CENPK: variants seen among roughly 807,000 people sequenced by gnomAD.
CENPK encodes centromere protein K.
CENPK carries 46 observed loss-of-function variants against 40.9 expected under a neutral mutation model. The ratio of observed to expected loss-of-function variants is 1.13; its 90% CI spans 0.89 to 1.44. The LOEUF (loss-of-function observed/expected upper bound fraction) is 1.44, where lower values mean the gene tolerates loss of function less well. Ranked by LOEUF, CENPK falls within the 40% of genes most tolerant of loss-of-function variation. The pLI, the probability that CENPK is intolerant of heterozygous loss-of-function variation, is 0.00. For synonymous variants in CENPK, 107 were observed against 104.4 expected (o/e 1.02, Z -0.15); for missense variants, 288 against 303.5 (o/e 0.95, Z 0.38).
At chr5:65,525,193 T>C (rs555414087) in intron 9 of CENPK, among the ~76,000 whole-genome samples, 11 of 152,150 alleles carry the variant, frequency 7.2e-5, no homozygotes, top group Admixed American at 5.9e-4. Context: ...ATTCCATCTC[T>C]ACTAAAAAAC....
In CENPK at chr5:65,556,694, A is replaced by C. The variant is rs150269551; in HGVS notation, c.-39-1748T>G. On this transcript the variant is annotated intron_variant, in intron 2 of 10. Transcript: ENST00000396679. ...ATTTACAAAGTCTACAGTAGGGTAC[A>C]GTAATGTCCTAGGCCTTCATATCTT... is the stretch of plus-strand genomic sequence containing the variant. 3.2e-4 allele frequency among the ~76,000 whole-genome samples: 49 copies of C among 152,346 alleles called. No homozygotes were observed. In the East Asian group the frequency reaches 9.5e-3, roughly 29 times the overall value.
intron 2 of CENPK, among the ~76,000 whole-genome samples, chr5:65,555,519 CAG>C (rs1164281767): frequency 1.3e-5 from 2 of 152,184 alleles, no homozygotes; most frequent in African/African-American, 4.8e-5. Context: ...TAGTTTTAAA[CAG>C]AGGAATGAAT....
downstream of CENPK, among the ~76,000 whole-genome samples, chr5:65,514,227 AATCT>A (rs1742690214): frequency 1.0e-5 from 1 of 95,564 alleles, no homozygotes; most frequent in East Asian, 2.5e-4. Flanking sequence ...GGCCTCACAT[AATCT>A]TTTTTTTTTT....
At chr5:65,510,692 C>T in the CENPK span, among the ~76,000 whole-genome samples, 1 of 151,536 alleles carries the variant, frequency 6.6e-6, no homozygotes, top group East Asian at 1.9e-4. Flanking sequence ...AGGAGAATTG[C>T]TTGAACCCAG....
chr5:65,513,054 T>C (rs941093699), downstream of CENPK, among the ~76,000 whole-genome samples: 9 of 152,234 alleles, frequency 5.9e-5, no homozygotes, highest in African/African-American at 2.2e-4. Flanking sequence ...AAAGAGTTCA[T>C]TGTATATTTT....
chr5:65,510,566 G>A, the CENPK span, among the ~76,000 whole-genome samples: 1 of 152,096 alleles, frequency 6.6e-6, no homozygotes, highest in East Asian at 1.9e-4. Context: ...CCTGAGGTCA[G>A]GAGTTCAAGA....
At chr5:65,506,981 C>T in the CENPK span, among the ~76,000 whole-genome samples, 4 of 152,110 alleles carry the variant, frequency 2.6e-5, no homozygotes, top group African/African-American at 7.2e-5. Flanking sequence ...TTGTCTCAAT[C>T]GACTTAAACC....
the CENPK span, among the ~76,000 whole-genome samples, chr5:65,511,450 C>T: frequency 2.6e-5 from 4 of 152,196 alleles, no homozygotes; most frequent in African/African-American, 4.8e-5. Context: ...TTTCAAAGGA[C>T]AGAAAGACTG....
the CENPK span, among the ~76,000 whole-genome samples, chr5:65,502,636 G>A: frequency 6.6e-6 from 1 of 151,568 alleles, no homozygotes; most frequent in Non-Finnish European, 1.5e-5. Flanking sequence ...TAAGAAATAG[G>A]GTCTCACTCT....
At chr5:65,513,549 C>T (rs1201665001), downstream of CENPK, among the ~76,000 whole-genome samples, 2 of 152,150 alleles carry the variant, frequency 1.3e-5, no homozygotes, top group African/African-American at 2.4e-5. Context: ...CTCTCTCTCT[C>T]TACTCTCTTT....
chr5:65,559,247 A>C (rs1282441625), intron 2 of CENPK, among the ~76,000 whole-genome samples: 2 of 152,218 alleles, frequency 1.3e-5, no homozygotes. Flanking sequence ...AAAGACGTTA[A>C]TTCTCCCCCA....
chr5:65,498,047 T>C, the CENPK span, among the ~76,000 whole-genome samples: 1 of 152,214 alleles, frequency 6.6e-6, no homozygotes, highest in Admixed American at 6.5e-5. Context: ...TTTCTTATAC[T>C]GTATGTATAA....
At chr5:65,517,031 C>T (rs1192935836), downstream of CENPK, among the ~76,000 whole-genome samples, 1 of 152,012 alleles carries the variant, frequency 6.6e-6, no homozygotes, top group Admixed American at 6.6e-5. Context: ...CAACTTCTAC[C>T]TCCCAGGTTC....
chr5:65,498,094 T>A, the CENPK span, among the ~76,000 whole-genome samples: 2 of 152,148 alleles, frequency 1.3e-5, no homozygotes, highest in African/African-American at 4.8e-5. Context: ...TTCTGTTGGA[T>A]TTTGCATCTA....
chr5:65,532,578 A>C (rs1746034992), intron 6 of CENPK, among the ~76,000 whole-genome samples: 4 of 152,176 alleles, frequency 2.6e-5, no homozygotes, highest in Admixed American at 2.6e-4. Flanking sequence ...TATCATAGGA[A>C]TATGCAGTTA....
chr5:65,553,624 T>C (rs143403061), intron 3 of CENPK, among the ~76,000 whole-genome samples: 2 of 152,340 alleles, frequency 1.3e-5, no homozygotes, highest in East Asian at 1.9e-4. Flanking sequence ...GGGGAAATAA[T>C]CCCATCAACC....
chr5:65,531,061 G>A (rs1745701172), intron 6 of CENPK, among the ~76,000 whole-genome samples: 1 of 151,998 alleles, frequency 6.6e-6, no homozygotes, highest in Non-Finnish European at 1.5e-5. Flanking sequence ...GGAGGCTAAG[G>A]TGAAAGGGTT....
chr5:65,521,239 T>C (rs1458737550), intron 10 of CENPK, among the ~76,000 whole-genome samples: 1 of 152,092 alleles, frequency 6.6e-6, no homozygotes, highest in Non-Finnish European at 1.5e-5. Context: ...GGGAACATGA[T>C]TAAGAGATAG....
At chr5:65,561,366 G>C in intron 2 of CENPK, 97 bp downstream of exon 2, 1 of 309,370 alleles carries the variant, frequency 3.2e-6, no homozygotes, top group Non-Finnish European at 7.0e-6. Context: ...TGGGGGCGGA[G>C]GGTGAGGGAT....
Sources: allele counts gnomAD v4.1 joint callset (sites outside exome capture counted in the v4.1 genomes callset), GRCh38; gene constraint gnomAD v4.1.1; transcripts MANE v1.5; gene names NCBI Gene and HGNC (gene_info 2026-07-23, HGNC 2026-07-21).